The following NALCN variants were observed in gnomAD, a reference collection of about 807,000 sequenced individuals.
NALCN encodes the protein sodium leak channel NALCN.
In NALCN, 111 loss-of-function variants were observed where a neutral mutation model predicts 225.3. The observed-to-expected ratio is 0.49, with a 90% CI of 0.42 to 0.58. The LOEUF (loss-of-function observed/expected upper bound fraction) is 0.58, where lower values mean the gene tolerates loss of function less well. Ranked by LOEUF, NALCN falls within the 20% of genes least tolerant of loss-of-function variation. NALCN has a pLI of 0.00. For missense variants in NALCN, 1,378 were observed against 2,202.4 expected, an observed-to-expected ratio of 0.63 and a Z score of 7.49; for synonymous variants, 764 against 769.0, an observed-to-expected ratio of 0.99 and a Z score of 0.11.
rs530631909 is a variant in NALCN at position 101,286,566 on chromosome 13, T to C, written c.1048-2547A>G. On this transcript the variant is annotated intron_variant, in intron 9 of 43. Transcript: ENST00000251127. ...AACCATACCATGCTGAATGAGCACC[T>C]CCAACTTTATATGAGAGAGAATGGG... Among the ~76,000 whole-genome samples, 10 of 152,272 alleles carry C rather than the reference T, an allele frequency of 6.6e-5. No homozygotes were observed. In the East Asian group the frequency reaches 1.9e-3, roughly 29 times the overall value.
chr13:101,372,751 T>C (rs1331941578), intron 6 of NALCN, among the ~76,000 whole-genome samples: 1 of 151,936 alleles, frequency 6.6e-6, no homozygotes, highest in Non-Finnish European at 1.5e-5. Context: ...TAGAAAAATG[T>C]TAAAAGATGT....
At chr13:101,170,780 C>T (rs557988210) in intron 15 of NALCN, among the ~76,000 whole-genome samples, 4 of 152,302 alleles carry the variant, frequency 2.6e-5, no homozygotes, top group South Asian at 2.1e-4. Flanking sequence ...TTTTCAATTT[C>T]ACAGCTCTGA....
At chr13:101,410,368 A>C (rs1205482359) in intron 1 of NALCN, among the ~76,000 whole-genome samples, 2 of 152,244 alleles carry the variant, frequency 1.3e-5, no homozygotes, top group African/African-American at 4.8e-5. Flanking sequence ...TTGCATAGTC[A>C]TGGCTCTGTG....
chr13:101,081,058 A>G (rs2033622030), intron 34 of NALCN, among the ~76,000 whole-genome samples: 1 of 152,182 alleles, frequency 6.6e-6, no homozygotes, highest in African/African-American at 2.4e-5. Context: ...AAAATGAAAC[A>G]GTGGAAGCAC....
chr13:101,326,764 C>A (rs2044967277), intron 7 of NALCN, among the ~76,000 whole-genome samples: 1 of 152,142 alleles, frequency 6.6e-6, no homozygotes, highest in South Asian at 2.1e-4. Context: ...CTGCAGAAGG[C>A]AATTTGGGCT....
intron 10 of NALCN, among the ~76,000 whole-genome samples, chr13:101,266,469 T>C (rs985808571): frequency 4.6e-5 from 7 of 152,344 alleles, no homozygotes; most frequent in African/African-American, 1.7e-4. Flanking sequence ...CTGAAGACTG[T>C]AGGCAAAGAG....
intron 28 of NALCN, 139 bp downstream of exon 28, chr13:101,095,435 C>T (rs376298267): frequency 1.1e-4 from 65 of 612,002 alleles, no homozygotes; most frequent in East Asian, 7.4e-4. Context: ...TATAATCTAG[C>T]GCTTCGCCCT....
intron 3 of NALCN, among the ~76,000 whole-genome samples, chr13:101,391,802 G>C (rs2047153543): frequency 1.4e-5 from 2 of 144,412 alleles, no homozygotes. Flanking sequence ...GGCCAACACA[G>C]TGAAACCGCA....
intron 18 of NALCN, among the ~76,000 whole-genome samples, chr13:101,116,245 T>C (rs1256377927): frequency 6.6e-6 from 1 of 151,684 alleles, no homozygotes; most frequent in Admixed American, 6.6e-5. Context: ...ATATGAAAGA[T>C]TGATCCTTTT....
At chr13:101,392,158 A>G (rs2700005) in intron 3 of NALCN, among the ~76,000 whole-genome samples, 5,778 of 152,262 alleles carry the variant, frequency 0.038, 170 homozygotes, top group East Asian at 0.11. Context: ...AGTGAAAACA[A>G]TTCTGAGAGT....
At chr13:101,198,645 G>C (rs2039986867) in intron 13 of NALCN, among the ~76,000 whole-genome samples, 1 of 152,126 alleles carries the variant, frequency 6.6e-6, no homozygotes, top group South Asian at 2.1e-4. Flanking sequence ...GAAACAACAG[G>C]TGCTGGAGAG....
intron 3 of NALCN, 33 bp downstream of exon 3, chr13:101,395,150 G>T (rs765577133): frequency 5.4e-5 from 85 of 1,583,104 alleles, no homozygotes; most frequent in Non-Finnish European, 6.7e-5. Context: ...AACACATTTA[G>T]GTTCTTAGTT....
At chr13:101,195,014 AGAAAAT>A (rs2039832540) in intron 13 of NALCN, among the ~76,000 whole-genome samples, 1 of 152,222 alleles carries the variant, frequency 6.6e-6, no homozygotes, top group South Asian at 2.1e-4. Flanking sequence ...AAAAGAAAAA[AGAAAAT>A]AAAAAGAAAG....
intron 7 of NALCN, among the ~76,000 whole-genome samples, chr13:101,343,515 G>A (rs1332744119): frequency 1.3e-5 from 2 of 152,178 alleles, no homozygotes; most frequent in African/African-American, 2.4e-5. Flanking sequence ...AAAGACATAC[G>A]CTTTGTTGAG....
At chr13:101,128,149 G>A (rs1225126763) in intron 17 of NALCN, among the ~76,000 whole-genome samples, 1 of 152,182 alleles carries the variant, frequency 6.6e-6, no homozygotes, top group Non-Finnish European at 1.5e-5. Flanking sequence ...GAATTACAAG[G>A]AGTTTACTTT....
intron 6 of NALCN, among the ~76,000 whole-genome samples, chr13:101,346,457 C>A (rs142439181): frequency 6.6e-6 from 1 of 152,084 alleles, no homozygotes; most frequent in Middle Eastern, 3.4e-3. Context: ...CTTTGCAGTA[C>A]GAATACTACG....
chr13:101,246,126 C>G (rs938213504), intron 11 of NALCN, among the ~76,000 whole-genome samples: 1 of 152,094 alleles, frequency 6.6e-6, no homozygotes, highest in Non-Finnish European at 1.5e-5. Flanking sequence ...TGCGTTTTGT[C>G]CAGTTCTTTA....
At chr13:101,381,008 T>A (rs574755208) in intron 3 of NALCN, among the ~76,000 whole-genome samples, 1 of 152,112 alleles carries the variant, frequency 6.6e-6, no homozygotes, top group East Asian at 1.9e-4. Flanking sequence ...GTGGGAAAGA[T>A]GGTAAGATTA....
intron 6 of NALCN, among the ~76,000 whole-genome samples, chr13:101,373,572 T>C (rs1288982783): frequency 1.3e-5 from 2 of 152,146 alleles, no homozygotes; most frequent in Non-Finnish European, 1.5e-5. Context: ...AAATTTAGCA[T>C]ACATCAATGA....
Sources: gnomAD v4.1 joint callset for allele counts (sites outside exome capture counted in the v4.1 genomes callset) on GRCh38, gnomAD v4.1.1 for gene constraint, MANE v1.5 for transcripts, NCBI Gene and HGNC (gene_info 2026-07-23, HGNC 2026-07-21) for gene names.